Variants in CPEB1 observed in about 807,000 individuals in gnomAD.
CPEB1 encodes the protein cytoplasmic polyadenylation element-binding protein 1.
A neutral mutation model predicts 65.8 loss-of-function variants in CPEB1; 7 were observed. That is an observed-to-expected ratio of 0.11 (90% CI 0.06 to 0.20). The LOEUF (loss-of-function observed/expected upper bound fraction) is 0.20. Ranked by LOEUF, CPEB1 falls within the 10% of genes least tolerant of loss-of-function variation. CPEB1 has a pLI of 1.00. For synonymous variants in CPEB1, 262 were observed against 260.0 expected (o/e 1.01, Z -0.08); for missense variants, 551 against 712.2 (o/e 0.77, Z 2.58).
At chr15:82,553,641 C>A in intron 7 of CPEB1, 85 bp from the exon 8 acceptor site, 2 of 1,020,806 alleles carry the variant, frequency 2.0e-6, no homozygotes, top group Non-Finnish European at 3.0e-6. Context: ...CAGCATTCTC[C>A]TCCCTGGCTC....
At chr15:82,558,034 A>G (rs773839824) in intron 4 of CPEB1, 48 bp from the exon 5 acceptor site, 2 of 1,336,532 alleles carry the variant, frequency 1.5e-6, no homozygotes, top group Non-Finnish European at 2.1e-6. Flanking sequence ...TTTTCTTTGC[A>G]GCCAACAGCC....
intron 3 of CPEB1, among the ~76,000 whole-genome samples, chr15:82,610,081 A>G (rs534531017): frequency 1.4e-5 from 2 of 147,092 alleles, no homozygotes; most frequent in East Asian, 4.0e-4. Flanking sequence ...AAAAAAAATT[A>G]CTATGAATAA....
chr15:82,638,154 T>A (rs1313323916), intron 1 of CPEB1, among the ~76,000 whole-genome samples: 1 of 152,204 alleles, frequency 6.6e-6, no homozygotes, highest in East Asian at 1.9e-4. Context: ...AGTATTTTAA[T>A]ATCATTGTCA....
chr15:82,584,167 G>A (rs1596064462), intron 3 of CPEB1, among the ~76,000 whole-genome samples: 1 of 148,202 alleles, frequency 6.7e-6, no homozygotes, highest in African/African-American at 2.5e-5. Flanking sequence ...GCTGAGGCAG[G>A]AGAATGGCAT....
At chr15:82,552,691 G>A in intron 8 of CPEB1, 75 bp from the exon 9 acceptor site, 1 of 1,509,382 alleles carries the variant, frequency 6.6e-7, no homozygotes, top group Non-Finnish European at 9.1e-7. Context: ...TTGCAGCAGG[G>A]CGTTTCTTCC....
chr15:82,551,735 G>A (rs895183729), intron 9 of CPEB1, among the ~76,000 whole-genome samples: 1 of 152,118 alleles, frequency 6.6e-6, no homozygotes, highest in African/African-American at 2.4e-5. Context: ...ACTGATTCCT[G>A]AGCTCAAAAC....
At chr15:82,642,489 A>G (rs983303078) in intron 1 of CPEB1, among the ~76,000 whole-genome samples, 2 of 152,220 alleles carry the variant, frequency 1.3e-5, no homozygotes, top group African/African-American at 4.8e-5. Context: ...TTGAGGCTGC[A>G]GTAAGCTGTG....
chr15:82,552,347 G>A, intron 9 of CPEB1, 133 bp downstream of exon 9: 1 of 765,360 alleles, frequency 1.3e-6, no homozygotes, highest in Non-Finnish European at 1.9e-6. Context: ...ATTTTATTGT[G>A]GGACAAGAAG....
chr15:82,638,011 T>C, intron 1 of CPEB1: 1 of 453,288 alleles, frequency 2.2e-6, no homozygotes, highest in South Asian at 1.6e-5. Context: ...TGCAGATCTC[T>C]TTAGTATCTG....
chr15:82,622,535 G>A (rs1405747948), intron 3 of CPEB1, among the ~76,000 whole-genome samples: 3 of 152,056 alleles, frequency 2.0e-5, no homozygotes, highest in African/African-American at 4.8e-5. Flanking sequence ...CGGACTACAG[G>A]CACGCACCAT....
intron 3 of CPEB1, among the ~76,000 whole-genome samples, chr15:82,622,247 CCCACCCTAGCTCCTA>C (rs2045367335): frequency 6.6e-6 from 1 of 152,020 alleles, no homozygotes; most frequent in Non-Finnish European, 1.5e-5. Context: ...ACCTTCCAGC[CCCACCCTAGCTCCTA>C]CCACCCATCA....
chr15:82,585,891 G>A (rs951267914), intron 3 of CPEB1, among the ~76,000 whole-genome samples: 2 of 151,734 alleles, frequency 1.3e-5, no homozygotes, highest in Non-Finnish European at 2.9e-5. Context: ...CAATATGATA[G>A]GTTAAAAAAT....
intron 3 of CPEB1, among the ~76,000 whole-genome samples, chr15:82,613,185 A>T (rs1808529705): frequency 6.6e-6 from 1 of 152,230 alleles, no homozygotes; most frequent in South Asian, 2.1e-4. Context: ...ATGAAATCCA[A>T]ACAATATACT....
Position 82,566,384 on chromosome 15 carries a change from T to G in CPEB1, c.460+4960A>C, listed in dbSNP as rs372777848. On this transcript the variant is annotated intron_variant, in intron 4 of 12. Transcript: ENST00000684509. Reference sequence around the variant, plus strand: ...GTATACCTGGAACCCTTCTTCCCTATCACCATCCTTGGTTCTAGGTTGCTT... The same window carrying G: ...GTATACCTGGAACCCTTCTTCCCTAGCACCATCCTTGGTTCTAGGTTGCTT... Among the ~76,000 whole-genome samples the G allele has an allele frequency of 4.6e-5, 7 of 152,212 alleles. No homozygotes were observed. In the East Asian group the frequency reaches 1.2e-3, roughly 25 times the overall value.
At chr15:82,572,402 G>A (rs2040167588) in intron 3 of CPEB1, among the ~76,000 whole-genome samples, 1 of 152,150 alleles carries the variant, frequency 6.6e-6, no homozygotes, top group Non-Finnish European at 1.5e-5. Context: ...GGCAGAGTGG[G>A]GGAGAGTCAC....
chr15:82,588,097 T>C (rs1174025228), intron 3 of CPEB1, among the ~76,000 whole-genome samples: 2 of 141,482 alleles, frequency 1.4e-5, no homozygotes, highest in Non-Finnish European at 1.5e-5. Context: ...AGGTTTTTTT[T>C]TGTTTGTTTT....
rs71453394 is a variant in CPEB1 at position 82,563,357 on chromosome 15, C to CTTTTTTT, written c.461-5378_461-5372dup. Among the ~76,000 whole-genome samples the CTTTTTTT allele has an allele frequency of 1.6e-3, 143 of 91,884 alleles. 1 individual carries two copies. Among genetic ancestry groups the CTTTTTTT allele is most frequent in the Middle Eastern group, 7.9e-3 (1 of 126 alleles). 60.3% of individuals were successfully genotyped at this position (91,884 alleles called of 152,430 possible). Reference sequence around the variant, plus strand: ...GAATGTATGTAAGATCATCTCTATTCTTTTTTTTTTTTTTTTTTTTTTTTG... The same window carrying CTTTTTTT: ...GAATGTATGTAAGATCATCTCTATTCTTTTTTTTTTTTTTTTTTTTTTTTTTTTTTTG... On this transcript the variant is annotated intron_variant, in intron 4 of 12. Transcript: ENST00000684509.
At chr15:82,612,289 G>A (rs1596105254) in intron 3 of CPEB1, among the ~76,000 whole-genome samples, 1 of 151,994 alleles carries the variant, frequency 6.6e-6, no homozygotes, top group African/African-American at 2.4e-5. Context: ...CTGAGGTCAG[G>A]AGTTCGAGAC....
intron 1 of CPEB1, among the ~76,000 whole-genome samples, chr15:82,631,395 A>C (rs1174065251): frequency 6.6e-6 from 1 of 152,028 alleles, no homozygotes; most frequent in Non-Finnish European, 1.5e-5. Flanking sequence ...TATAATTACC[A>C]ATGTTTGCCT....
Sources: gnomAD v4.1 joint callset for allele counts (sites outside exome capture counted in the v4.1 genomes callset) on GRCh38, gnomAD v4.1.1 for gene constraint, MANE v1.5 for transcripts, NCBI Gene and HGNC (gene_info 2026-07-23, HGNC 2026-07-21) for gene names.